The following TBX5 variants were observed in gnomAD, a reference collection of about 807,000 sequenced individuals.
TBX5 encodes the protein T-box transcription factor 5, also known as T-box transcription factor TBX5.
A neutral mutation model predicts 51.1 loss-of-function variants in TBX5; 8 were observed. That is an observed-to-expected ratio of 0.16 (90% CI 0.09 to 0.28). The LOEUF is 0.28. TBX5 is among the 10% of genes least tolerant of loss of function. The probability of loss-of-function intolerance (pLI) is 1.00; values close to 1 mark genes in which losing one functional copy is unlikely to be tolerated. For synonymous variants in TBX5, 302 were observed against 266.4 expected (o/e 1.13, Z -1.30); for missense variants, 589 against 671.7 (o/e 0.88, Z 1.36).
At chr12:114,407,015 C>T, upstream of TBX5, 1 of 982,342 alleles carries the variant, frequency 1.0e-6, no homozygotes, top group South Asian at 4.7e-5. Context: ...CCCCATCATA[C>T]TGATTTTTCT....
intron 7 of TBX5, among the ~76,000 whole-genome samples, chr12:114,369,811 AATC>A (rs1235861846): frequency 6.6e-6 from 1 of 151,032 alleles, no homozygotes; most frequent in African/African-American, 2.4e-5. Context: ...CTCTTTTTTT[AATC>A]ATCATCATCA....
Position 114,394,733 on chromosome 12 carries a change from A to G in TBX5, c.663+8T>C, listed in dbSNP as rs1386073038. On this transcript the variant is annotated splice_region_variant and intron_variant, in intron 6 of 8. Transcript: ENST00000405440. ...CCCCAGGCACTGGTTCCTGGGCTTC[A>G]GGCTTACCTTGTGGTTCTGGTAGGA... 6.2e-7 allele frequency: 1 copy of G among 1,614,088 alleles called. No homozygotes were observed. Among genetic ancestry groups the G allele is most frequent in the South Asian group, 1.1e-5 (1 of 91,076 alleles).
intron 7 of TBX5, among the ~76,000 whole-genome samples, chr12:114,369,432 C>G (rs923009926): frequency 3.3e-5 from 5 of 152,324 alleles, no homozygotes; most frequent in African/African-American, 4.8e-5. Context: ...CAACACCGAT[C>G]GTGAACATCT....
intron 7 of TBX5, among the ~76,000 whole-genome samples, chr12:114,381,579 C>T (rs922966663): frequency 6.6e-6 from 1 of 152,152 alleles, no homozygotes; most frequent in Non-Finnish European, 1.5e-5. Context: ...TAGGCATTTG[C>T]TCATATAATT....
chr12:114,391,627 G>A (rs532050071), intron 6 of TBX5, among the ~76,000 whole-genome samples: 4 of 152,298 alleles, frequency 2.6e-5, no homozygotes, highest in South Asian at 2.1e-4. Context: ...AAGTCAGATA[G>A]GTTTGAACCC....
intron 7 of TBX5, among the ~76,000 whole-genome samples, chr12:114,378,827 G>A (rs565388645): frequency 6.6e-5 from 10 of 152,092 alleles, no homozygotes; most frequent in African/African-American, 2.2e-4. Flanking sequence ...TAGTAGAGAC[G>A]GGGTTTCACC....
At chr12:114,399,662 G>A (rs199606641) in intron 3 of TBX5, 30 bp from the exon 4 acceptor site, 30 of 1,613,862 alleles carry the variant, frequency 1.9e-5, no homozygotes, top group Admixed American at 5.0e-5. Flanking sequence ...GGAGAGAGGG[G>A]GGCGGGAATT....
At chr12:114,392,172 T>A (rs542928043) in intron 6 of TBX5, among the ~76,000 whole-genome samples, 4 of 100,940 alleles carry the variant, frequency 4.0e-5, no homozygotes, top group African/African-American at 1.5e-4. Flanking sequence ...ATTCCCTGGA[T>A]TGCGCTAAAA....
intron 7 of TBX5, among the ~76,000 whole-genome samples, chr12:114,370,029 C>T (rs374386675): frequency 2.6e-5 from 4 of 152,082 alleles, no homozygotes; most frequent in African/African-American, 9.6e-5. Context: ...CTGAGGCAGG[C>T]AGATCACTTG....
At chr12:114,385,666 C>T in intron 6 of TBX5, 99 bp from the exon 7 acceptor site, 1 of 1,009,714 alleles carries the variant, frequency 9.9e-7, no homozygotes. Flanking sequence ...GAAATGCAGC[C>T]TCTGGCAACC....
intron 7 of TBX5, among the ~76,000 whole-genome samples, chr12:114,376,645 AATATTTATATAT>A (rs1461592828): frequency 6.6e-6 from 1 of 150,636 alleles, no homozygotes; most frequent in Non-Finnish European, 1.5e-5. Flanking sequence ...GTACATCTTA[AATATTTATATAT>A]ATATATTAAA....
At chr12:114,363,194 A>G (rs1255091884) in intron 8 of TBX5, among the ~76,000 whole-genome samples, 1 of 152,192 alleles carries the variant, frequency 6.6e-6, no homozygotes, top group African/African-American at 2.4e-5. Flanking sequence ...GTTGAGGCCC[A>G]GAAAGGTAAA....
intron 7 of TBX5, among the ~76,000 whole-genome samples, chr12:114,378,887 G>A (rs1397229435): frequency 6.6e-6 from 1 of 152,154 alleles, no homozygotes; most frequent in Non-Finnish European, 1.5e-5. Flanking sequence ...CCACCTGAGT[G>A]AGTCACATTC....
chr12:114,401,802 T>C (rs1233044132), intron 3 of TBX5, 24 bp downstream of exon 3: 19 of 1,611,532 alleles, frequency 1.2e-5, no homozygotes, highest in Non-Finnish European at 1.5e-5. Context: ...CTCGTCCCTC[T>C]CTCTACACAA....
intron 7 of TBX5, among the ~76,000 whole-genome samples, chr12:114,367,327 A>T (rs1869601994): frequency 6.6e-6 from 1 of 152,100 alleles, no homozygotes; most frequent in Non-Finnish European, 1.5e-5. Flanking sequence ...CCCCATCCCT[A>T]TCCCTTACAG....
At chr12:114,361,274 T>C (rs1422200862) in intron 8 of TBX5, among the ~76,000 whole-genome samples, 2 of 152,220 alleles carry the variant, frequency 1.3e-5, no homozygotes, top group Non-Finnish European at 2.9e-5. Context: ...TGAAATCGCA[T>C]TTTAAAACAT....
chr12:114,404,966 G>A (rs906058382), intron 1 of TBX5, among the ~76,000 whole-genome samples: 4 of 152,202 alleles, frequency 2.6e-5, no homozygotes, highest in Admixed American at 1.3e-4. Context: ...AATAACTGCC[G>A]CAGAGCTGTT....
intron 8 of TBX5, among the ~76,000 whole-genome samples, chr12:114,359,434 A>G (rs890367775): frequency 1.3e-5 from 2 of 152,194 alleles, no homozygotes; most frequent in African/African-American, 4.8e-5. Flanking sequence ...CCAAGTCATG[A>G]TTAACTTTCA....
chr12:114,377,717 C>G (rs926622659), intron 7 of TBX5, among the ~76,000 whole-genome samples: 1 of 151,966 alleles, frequency 6.6e-6, no homozygotes, highest in Non-Finnish European at 1.5e-5. Flanking sequence ...CCACACCTAG[C>G]GACTTTTTTT....
Sources: gnomAD v4.1 joint callset for allele counts (sites outside exome capture counted in the v4.1 genomes callset) on GRCh38, gnomAD v4.1.1 for gene constraint, MANE v1.5 for transcripts, NCBI Gene and HGNC (gene_info 2026-07-23, HGNC 2026-07-21) for gene names.